The following CHODL variants were observed in gnomAD, a reference collection of about 807,000 sequenced individuals.
CHODL encodes transmembrane protein MT75.
A neutral mutation model predicts 34.5 loss-of-function variants in CHODL; 29 were observed. That is an observed-to-expected ratio of 0.84 (90% CI 0.63 to 1.15). CHODL has a LOEUF of 1.15. Among genes scored for constraint, CHODL ranks in the 50% most tolerant of loss-of-function variants. The pLI is 0.00. For synonymous variants in CHODL, 125 were observed against 116.1 expected, an observed-to-expected ratio of 1.08 and a Z score of -0.49; for missense variants, 332 against 332.5, an observed-to-expected ratio of 1.00 and a Z score of 0.01.
chr21:17,927,170 A>G (rs943904785), intron 1 of CHODL, among the ~76,000 whole-genome samples: 1 of 128,334 alleles, frequency 7.8e-6, no homozygotes, highest in East Asian at 2.4e-4. Context: ...GTATATATGT[A>G]TATATGTATA....
intron 1 of CHODL, among the ~76,000 whole-genome samples, chr21:17,982,696 C>CTTTTTTTT (rs397867753): frequency 9.5e-5 from 6 of 63,004 alleles, no homozygotes; most frequent in African/African-American, 2.0e-4. Context: ...TATATATATT[C>CTTTTTTTT]TTTTTTTTTT....
intron 2 of CHODL, among the ~76,000 whole-genome samples, chr21:18,120,867 A>T (rs368240749): frequency 1.8e-4 from 28 of 152,140 alleles, no homozygotes; most frequent in South Asian, 1.0e-3. Context: ...GTGTACTCAC[A>T]TCCCAATATA....
intron 2 of CHODL, among the ~76,000 whole-genome samples, chr21:18,183,729 C>T (rs763254634): frequency 6.6e-5 from 10 of 152,070 alleles, no homozygotes; most frequent in African/African-American, 1.4e-4. Context: ...GAAATCTTAA[C>T]GAGATCGAGT....
At chr21:18,187,104 G>A (rs983727384) in intron 2 of CHODL, among the ~76,000 whole-genome samples, 2 of 152,142 alleles carry the variant, frequency 1.3e-5, no homozygotes, top group Non-Finnish European at 2.9e-5. Flanking sequence ...CAAAGTTTGG[G>A]CAGAATAGAG....
chr21:17,981,032 C>T (rs1320889091), intron 1 of CHODL, among the ~76,000 whole-genome samples: 1 of 152,154 alleles, frequency 6.6e-6, no homozygotes, highest in Non-Finnish European at 1.5e-5. Context: ...GTAAAGCTTA[C>T]CCTGCACATT....
intron 2 of CHODL, among the ~76,000 whole-genome samples, chr21:18,237,670 TA>T (rs2074041008): frequency 6.6e-6 from 1 of 152,094 alleles, no homozygotes; most frequent in Non-Finnish European, 1.5e-5. Flanking sequence ...AGGTGAAGAT[TA>T]AAAAACATTA....
intron 2 of CHODL, among the ~76,000 whole-genome samples, chr21:18,115,520 T>C (rs1302558999): frequency 6.6e-6 from 1 of 152,226 alleles, no homozygotes; most frequent in East Asian, 1.9e-4. Context: ...ATTACTCCTT[T>C]GGAAAACTTG....
intron 1 of CHODL, among the ~76,000 whole-genome samples, chr21:18,007,513 G>T (rs1189922447): frequency 6.6e-6 from 1 of 152,060 alleles, no homozygotes; most frequent in Non-Finnish European, 1.5e-5. Flanking sequence ...ACATCTTGAG[G>T]TTTTGATTAG....
At chr21:18,091,412 C>T (rs75645870) in intron 2 of CHODL, among the ~76,000 whole-genome samples, 9,608 of 152,272 alleles carry the variant, frequency 0.063, 927 homozygotes, top group African/African-American at 0.21. Context: ...CCGTCTTTCC[C>T]TCAACCCCAG....
chr21:18,167,211 C>CTCTGTGTGTGTG (rs1287766265), intron 2 of CHODL, among the ~76,000 whole-genome samples: 2 of 88,136 alleles, frequency 2.3e-5, no homozygotes, highest in South Asian at 3.8e-4. Context: ...TTCTCTCTCT[C>CTCTGTGTGTGTG]TGTGTGTGTG....
intron 2 of CHODL, among the ~76,000 whole-genome samples, chr21:18,034,929 A>G (rs1314235954): frequency 6.6e-6 from 1 of 151,980 alleles, no homozygotes; most frequent in Non-Finnish European, 1.5e-5. Flanking sequence ...GCTGTACCAC[A>G]GTAGGTCATC....
chr21:18,251,734 T>TTATTTATTTTAATATATAAAATAAA (rs1568958129), intron 1 of CHODL, among the ~76,000 whole-genome samples: 1 of 115,216 alleles, frequency 8.7e-6, no homozygotes, highest in African/African-American at 4.0e-5. Flanking sequence ...AATATTTATT[T>TTATTTATTTTAATATATAAAATAAA]TATTTATTTT....
chr21:17,949,479 C>G (rs1159723202), intron 1 of CHODL, among the ~76,000 whole-genome samples: 1 of 152,022 alleles, frequency 6.6e-6, no homozygotes, highest in Admixed American at 6.6e-5. Flanking sequence ...CAGTCAAAAG[C>G]TGTGTCTATG....
intron 2 of CHODL, among the ~76,000 whole-genome samples, chr21:18,112,010 T>G (rs1269826322): frequency 2.6e-5 from 4 of 152,200 alleles, no homozygotes; most frequent in Admixed American, 1.3e-4. Context: ...GCAAAAACAT[T>G]TATTGAACAT....
At chr21:18,240,693 C>T (rs1253382169), upstream of CHODL, among the ~76,000 whole-genome samples, 1 of 151,904 alleles carries the variant, frequency 6.6e-6, no homozygotes, top group Non-Finnish European at 1.5e-5. Flanking sequence ...AGATTACCAG[C>T]AATAGAAACA....
chr21:18,239,135 T>C (rs1415114913), intron 2 of CHODL, among the ~76,000 whole-genome samples: 1 of 152,152 alleles, frequency 6.6e-6, no homozygotes, highest in African/African-American at 2.4e-5. Context: ...TTTCTGTTCA[T>C]GTTTATTTTA....
chr21:18,169,433 TC>T (rs983147048), intron 2 of CHODL, among the ~76,000 whole-genome samples: 10 of 147,870 alleles, frequency 6.8e-5, no homozygotes, highest in African/African-American at 2.5e-4. Context: ...ATTTTCTTGA[TC>T]TTTTTTTTTT....
chr21:18,116,618 C>A (rs993250873), intron 2 of CHODL, among the ~76,000 whole-genome samples: 7 of 152,160 alleles, frequency 4.6e-5, no homozygotes, highest in African/African-American at 1.7e-4. Flanking sequence ...GCCAGATTTT[C>A]AGTAAAGGGA....
intron 2 of CHODL, among the ~76,000 whole-genome samples, chr21:18,130,092 GT>G (rs138567093): frequency 0.024 from 3,703 of 152,068 alleles, 81 homozygotes; most frequent in African/African-American, 0.056. Flanking sequence ...GTCTTAATCT[GT>G]TTTTTTCCCC....
Sources: allele counts gnomAD v4.1 joint callset (sites outside exome capture counted in the v4.1 genomes callset), GRCh38; gene constraint gnomAD v4.1.1; transcripts MANE v1.5; gene names NCBI Gene and HGNC (gene_info 2026-07-23, HGNC 2026-07-21).